TNFSF13B: variants seen among roughly 807,000 people sequenced by gnomAD.
The protein encoded by TNFSF13B is TNF superfamily member 13b.
In TNFSF13B, 8 loss-of-function variants were observed where a neutral mutation model predicts 29.1. The observed-to-expected ratio is 0.27, with a 90% confidence interval of 0.16 to 0.50. The LOEUF (loss-of-function observed/expected upper bound fraction) is 0.50, where lower values mean the gene tolerates loss of function less well. Among genes scored for constraint, TNFSF13B ranks in the 20% least tolerant of loss-of-function variants. TNFSF13B has a pLI of 0.98. For synonymous variants in TNFSF13B, 125 were observed against 130.8 expected, an observed-to-expected ratio of 0.96 and a Z score of 0.30; for missense variants, 248 against 334.9, an observed-to-expected ratio of 0.74 and a Z score of 2.03.
intron 5 of TNFSF13B, among the ~76,000 whole-genome samples, chr13:108,305,729 G>C (rs140556016): frequency 6.6e-6 from 1 of 152,088 alleles, no homozygotes; most frequent in African/African-American, 2.4e-5. Flanking sequence ...TTACAAAAAA[G>C]CATACCCAGT....
chr13:108,274,453 A>G (rs1880711462), intron 2 of TNFSF13B, among the ~76,000 whole-genome samples: 1 of 151,896 alleles, frequency 6.6e-6, no homozygotes, highest in South Asian at 2.1e-4. Context: ...ATACACACTC[A>G]TAACTTTCAC....
intron 5 of TNFSF13B, among the ~76,000 whole-genome samples, chr13:108,306,128 A>T (rs1881769210): frequency 6.6e-6 from 1 of 152,124 alleles, no homozygotes; most frequent in Non-Finnish European, 1.5e-5. Flanking sequence ...ACTAATTCAC[A>T]GATGCATTTG....
At chr13:108,271,549 T>A (rs1253126176) in intron 2 of TNFSF13B, among the ~76,000 whole-genome samples, 2 of 152,094 alleles carry the variant, frequency 1.3e-5, no homozygotes, top group African/African-American at 2.4e-5. Context: ...CATAAAAAAT[T>A]GTTTCTTATT....
intron 2 of TNFSF13B, among the ~76,000 whole-genome samples, chr13:108,286,306 C>T (rs771517272): frequency 6.6e-6 from 1 of 151,824 alleles, no homozygotes; most frequent in African/African-American, 2.4e-5. Flanking sequence ...GTGATATATA[C>T]TGTCTTGGTA....
At chr13:108,304,964 A>G (rs1881728175) in intron 5 of TNFSF13B, among the ~76,000 whole-genome samples, 1 of 152,110 alleles carries the variant, frequency 6.6e-6, no homozygotes, top group South Asian at 2.1e-4. Flanking sequence ...CCAATCTGTT[A>G]TTTATTTATA....
rs113389506 is a variant in TNFSF13B at position 108,280,322 on chromosome 13, A to C, written c.425-6481A>C. Among the ~76,000 whole-genome samples, 115 of 152,344 alleles carry C rather than the reference A, an allele frequency of 7.5e-4. 2 individuals are homozygous for C. The highest frequency in any genetic ancestry group is 2.6e-3 in the African/African-American group (107 of 41,582). Reference sequence around the variant, plus strand: ...CCACTCAGAGAGAAAATAAGTATGCATGAGAAAGATAAAGCATTATATTTG... The same window carrying C: ...CCACTCAGAGAGAAAATAAGTATGCCTGAGAAAGATAAAGCATTATATTTG... On this transcript the variant is annotated intron_variant, in intron 2 of 5. Transcript: ENST00000375887.
intron 2 of TNFSF13B, among the ~76,000 whole-genome samples, chr13:108,272,527 A>G (rs1051335072): frequency 6.6e-6 from 1 of 151,944 alleles, no homozygotes; most frequent in African/African-American, 2.4e-5. Context: ...ATTTTGATGA[A>G]TCATCTCACA....
rs771588455 is a variant in TNFSF13B at position 108,275,075 on chromosome 13, A to G, written c.424+4651A>G. On this transcript the variant is annotated intron_variant, in intron 2 of 5. Coordinates refer to ENST00000375887, the MANE Select transcript of TNFSF13B (RefSeq NM_006573.5). Reference sequence around the variant, plus strand: ...ATAATATCATTTTTGATTGTAGTATAATAAACAGAAATGTGGGGAAATCCA... The same window carrying G: ...ATAATATCATTTTTGATTGTAGTATGATAAACAGAAATGTGGGGAAATCCA... 5.9e-5 allele frequency among the ~76,000 whole-genome samples: 9 copies of G among 152,320 alleles called. No homozygotes were observed. The South Asian group carries it at 1.9e-3, about 32-fold the overall frequency.
intron 2 of TNFSF13B, among the ~76,000 whole-genome samples, chr13:108,276,403 C>T (rs779660721): frequency 1.2e-4 from 18 of 152,192 alleles, no homozygotes; most frequent in Non-Finnish European, 2.2e-4. Context: ...AAAACGTTGA[C>T]CTTCCAACCA....
At chr13:108,271,738 G>T (rs751591148) in intron 2 of TNFSF13B, among the ~76,000 whole-genome samples, 1 of 151,516 alleles carries the variant, frequency 6.6e-6, no homozygotes. Flanking sequence ...AAAATAATAC[G>T]GAATATATAC....
chr13:108,286,528 C>A (rs1465847228), intron 2 of TNFSF13B, among the ~76,000 whole-genome samples: 2 of 152,014 alleles, frequency 1.3e-5, no homozygotes, highest in Non-Finnish European at 2.9e-5. Flanking sequence ...TTCTCTTCAG[C>A]CATTTCTCAG....
At chr13:108,304,424 C>G (rs955039872) in intron 5 of TNFSF13B, among the ~76,000 whole-genome samples, 1 of 152,168 alleles carries the variant, frequency 6.6e-6, no homozygotes, top group Non-Finnish European at 1.5e-5. Context: ...AGTGTAGGCG[C>G]AAACCTACCT....
chr13:108,290,188 A>G (rs1016262305), intron 3 of TNFSF13B, among the ~76,000 whole-genome samples: 2 of 152,188 alleles, frequency 1.3e-5, no homozygotes, highest in Non-Finnish European at 2.9e-5. Flanking sequence ...TTAACAATGT[A>G]TATTGCAGAC....
intron 5 of TNFSF13B, among the ~76,000 whole-genome samples, chr13:108,303,973 A>G (rs1881700884): frequency 6.6e-6 from 1 of 152,342 alleles, no homozygotes; most frequent in Non-Finnish European, 1.5e-5. Flanking sequence ...ATATCTGACA[A>G]GGATAGAGTG....
Position 108,270,356 on chromosome 13 carries a change from C to G in TNFSF13B, c.356C>G (p.Ala119Gly). The G allele has an allele frequency of 6.2e-7, 1 of 1,614,144 alleles. No individual in the cohort carries two copies. Among genetic ancestry groups the G allele is most frequent in the Non-Finnish European group, 8.5e-7 (1 of 1,180,012 alleles). Residue 119 changes from alanine (A) to glycine (G), a missense_variant, in exon 2 of 6, where the codon GCT (alanine) becomes GGT (glycine). Physicochemically the swap from Ala to Gly is moderately conservative, Grantham distance 60. Around this residue, in one of 2 missense-constraint regions of TNFSF13B, gnomAD observed 186 missense variants for 196.3 expected, o/e 0.95. Coordinates refer to ENST00000375887, the MANE Select transcript of TNFSF13B (RefSeq NM_006573.5). ...TGTTCATAGATCTTTGAACCACCAG[C>G]TCCAGGAGAAGGCAACTCCAGTCAG... is the stretch of plus-strand genomic sequence containing the variant. ...TAGLKIFEPP[A>G]PGEGNSSQNS... is the part of the protein sequence containing the mutation.
Position 108,270,180 on chromosome 13 carries a change from A to T in TNFSF13B, c.285A>T (p.Ala95=), listed in dbSNP as rs748226895. The T allele has an allele frequency of 3.1e-6, 5 of 1,602,192 alleles. No individual in the cohort carries two copies. The African/African-American group carries it at 6.7e-5, about 21-fold the overall frequency. Residue 95 remains alanine (A), a synonymous_variant, in exon 1 of 6, where the codon GCA becomes GCT. Coordinates refer to ENST00000375887, the MANE Select transcript of TNFSF13B (RefSeq NM_006573.5). ...GHHAEKLPAG[A]GAPKAGLEEA... is the part of the protein sequence containing the mutation. ...ACGCGGAGAAGCTGCCAGCAGGAGC[A>T]GGAGCCCCCAAGGCCGGCCTGGAGG...
intron 3 of TNFSF13B, among the ~76,000 whole-genome samples, chr13:108,290,334 C>T (rs139776005): frequency 6.2e-4 from 94 of 152,130 alleles, no homozygotes; most frequent in African/African-American, 1.2e-3. Context: ...GCAGGTGCTT[C>T]GAAAAATAAT....
intron 3 of TNFSF13B, among the ~76,000 whole-genome samples, chr13:108,290,623 A>T (rs1881278160): frequency 6.7e-6 from 1 of 148,722 alleles, no homozygotes; most frequent in Non-Finnish European, 1.5e-5. Flanking sequence ...ATTTTTTTCC[A>T]TTTTTTCGTT....
rs140711942 is a variant in TNFSF13B at position 108,272,006 on chromosome 13, T to C, written c.424+1582T>C. Among the ~76,000 whole-genome samples the C allele has an allele frequency of 5.3e-4, 81 of 152,298 alleles. 2 individuals carry two copies. In the East Asian group the frequency reaches 0.014, roughly 26 times the overall value. On this transcript the variant is annotated intron_variant, in intron 2 of 5. Transcript: ENST00000375887. ...ATCACCCTTGCTTCCGACTGCCATATTGTTTTCAAAATGAGTTATACATGC... is the reference window on the plus strand; with the variant it reads ...ATCACCCTTGCTTCCGACTGCCATACTGTTTTCAAAATGAGTTATACATGC...
Sources: gnomAD v4.1 joint callset for allele counts (sites outside exome capture counted in the v4.1 genomes callset) on GRCh38, gnomAD v4.1.1 for gene constraint, gnomAD v4.1.1 regional missense constraint, MANE v1.5 for transcripts, NCBI Gene and HGNC (gene_info 2026-07-23, HGNC 2026-07-21) for gene names.